ANK2: variants seen among roughly 807,000 people sequenced by gnomAD.
ANK2 encodes the protein ankyrin 2.
ANK2 carries 83 observed loss-of-function variants against 360.5 expected under a neutral mutation model. That is an observed-to-expected ratio of 0.23 (90% CI 0.19 to 0.28). The LOEUF (loss-of-function observed/expected upper bound fraction) is 0.28. Among genes scored for constraint, ANK2 ranks in the 10% least tolerant of loss-of-function variants. The probability of loss-of-function intolerance (pLI) is 1.00; values close to 1 mark genes in which losing one functional copy is unlikely to be tolerated. For synonymous variants in ANK2, 1,740 were observed against 1,759.5 expected (o/e 0.99, Z 0.28); for missense variants, 4,201 against 4,795.7 (o/e 0.88, Z 3.66).
intron 9 of ANK2, among the ~76,000 whole-genome samples, chr4:113,248,819 C>A (rs1192539929): frequency 6.6e-6 from 1 of 152,202 alleles, no homozygotes; most frequent in African/African-American, 2.4e-5. Flanking sequence ...CCTTCTCCAC[C>A]TCTGTCCTTG....
intron 1 of ANK2, among the ~76,000 whole-genome samples, chr4:113,072,742 A>ATTTTTTTTTTTTTTTT (rs34098456): frequency 1.1e-4 from 8 of 74,218 alleles, no homozygotes; most frequent in East Asian, 3.8e-4. Flanking sequence ...ACTTGGCATA[A>ATTTTTTTTTTTTTTTT]TTTTTTTTTT....
intron 1 of ANK2, among the ~76,000 whole-genome samples, chr4:113,130,631 A>G (rs1582506567): frequency 6.6e-6 from 1 of 152,140 alleles, no homozygotes; most frequent in African/African-American, 2.4e-5. Flanking sequence ...AATGTGCAGG[A>G]TGAGAACAGC....
chr4:113,108,685 A>G (rs1172444592), intron 1 of ANK2, among the ~76,000 whole-genome samples: 1 of 151,970 alleles, frequency 6.6e-6, no homozygotes, highest in Non-Finnish European at 1.5e-5. Context: ...GAGAGAATTT[A>G]CTCCTTGTCT....
the ANK2 span, among the ~76,000 whole-genome samples, chr4:112,752,124 G>C: frequency 6.6e-6 from 1 of 152,162 alleles, no homozygotes; most frequent in South Asian, 2.1e-4. Context: ...AAATTCAAGG[G>C]AGCAGGGAGT....
At position 113,143,858 on chromosome 4, in the gene ANK2, G is replaced by A. The variant is rs145768056; in HGVS notation, c.85-30558G>A. 7.0e-3 allele frequency among the ~76,000 whole-genome samples: 1,072 copies of A among 152,134 alleles called. 3 individuals carry two copies. Among genetic ancestry groups the A allele is most frequent in the Non-Finnish European group, 0.011 (760 of 67,974 alleles). On this transcript the variant is annotated intron_variant, in intron 1 of 45. Coordinates refer to ENST00000357077, the MANE Select transcript of ANK2 (RefSeq NM_001148.6). ...ACTACAGAACATGGTTCAAATATGT[G>A]GAAAATTTGATGAGAAACTACCATA... is the stretch of plus-strand genomic sequence containing the variant.
At chr4:112,864,083 G>A (rs1313574445) in intron 1 of ANK2, among the ~76,000 whole-genome samples, 2 of 152,148 alleles carry the variant, frequency 1.3e-5, no homozygotes, top group African/African-American at 4.8e-5. Flanking sequence ...AAAGAGATTA[G>A]GTAGGGTGTT....
At chr4:113,000,879 T>C (rs1206361015) in intron 2 of ANK2, among the ~76,000 whole-genome samples, 2 of 136,096 alleles carry the variant, frequency 1.5e-5, no homozygotes, top group African/African-American at 5.4e-5. Flanking sequence ...GGGAAGGAGA[T>C]TATCACCAGA....
intron 27 of ANK2, among the ~76,000 whole-genome samples, chr4:113,330,934 T>G (rs966676956): frequency 2.6e-5 from 4 of 152,244 alleles, no homozygotes; most frequent in Admixed American, 1.3e-4. Flanking sequence ...AATGTGATTT[T>G]TTTTTCAGCT....
chr4:112,932,325 C>A (rs1226165242), intron 2 of ANK2, among the ~76,000 whole-genome samples: 1 of 152,024 alleles, frequency 6.6e-6, no homozygotes, highest in African/African-American at 2.4e-5. Flanking sequence ...AACCCCATCT[C>A]TACTAAAAAC....
chr4:113,287,633 C>T lies in ANK2; in HGVS notation c.2108C>T (p.Ala703Val), dbSNP rs756016862. Residue 703 changes from alanine (A) to valine (V), a missense_variant, in exon 19 of 46, where the codon GCC becomes GTC. By Grantham distance (64) the Ala-to-Val change is moderately conservative. Coordinates refer to ENST00000357077, the MANE Select transcript of ANK2 (RefSeq NM_001148.6). Reference sequence around the variant, plus strand: ...GGACTCACATCCTTACACCTTGCAGCCCAGGAAGATAAAGTGAATGTTGCT... The same window carrying T: ...GGACTCACATCCTTACACCTTGCAGTCCAGGAAGATAAAGTGAATGTTGCT... ...KSGLTSLHLA[A>V]QEDKVNVADI... 1.2e-6 allele frequency: 2 copies of T among 1,613,204 alleles called. No individual in the cohort carries two copies. The highest frequency in any genetic ancestry group is 3.3e-5 in the Admixed American group (2 of 60,032).
At chr4:113,019,370 G>A (rs1466972549) in intron 2 of ANK2, among the ~76,000 whole-genome samples, 1 of 152,170 alleles carries the variant, frequency 6.6e-6, no homozygotes, top group Non-Finnish European at 1.5e-5. Context: ...GTTCTTCTAA[G>A]CAAGATAGTT....
At chr4:113,196,828 T>G (rs1403419347) in intron 3 of ANK2, among the ~76,000 whole-genome samples, 1 of 152,170 alleles carries the variant, frequency 6.6e-6, no homozygotes, top group Non-Finnish European at 1.5e-5. Flanking sequence ...ACTTAAAGCT[T>G]CTTTTCCCTC....
chr4:112,891,866 C>T (rs922616159), intron 1 of ANK2, among the ~76,000 whole-genome samples: 1 of 152,120 alleles, frequency 6.6e-6, no homozygotes, highest in African/African-American at 2.4e-5. Context: ...TTTCTATAGT[C>T]AGTCCTTAGA....
At position 112,992,148 on chromosome 4, in the gene ANK2, C is replaced by CTT. The variant is rs767245844; in HGVS notation, c.21+87647_21+87648dup. Among the ~76,000 whole-genome samples the CTT allele has an allele frequency of 2.1e-5, 3 of 143,866 alleles. No homozygotes were observed. The Admixed American group carries it at 2.1e-4, about 10-fold the overall frequency. The allele number at this position is 143,866 out of a possible 152,430, so 94.4% of individuals were successfully genotyped here. ...TTACCTAGTTCCAAATCTACTTCTACTTTTTTTTTTTTTTAGACGGAGTTT... is the reference window on the plus strand; with the variant it reads ...TTACCTAGTTCCAAATCTACTTCTACTTTTTTTTTTTTTTTTAGACGGAGTTT... On this transcript the variant is annotated intron_variant, in intron 2 of 30. Transcript: ENST00000503271.
At chr4:113,371,322 A>G (rs897049127) in intron 43 of ANK2, among the ~76,000 whole-genome samples, 1 of 152,232 alleles carries the variant, frequency 6.6e-6, no homozygotes, top group Non-Finnish European at 1.5e-5. Flanking sequence ...TAATAAATTC[A>G]TGCCATGAAT....
intron 1 of ANK2, among the ~76,000 whole-genome samples, chr4:112,833,440 GT>G (rs1186739859): frequency 1.3e-5 from 2 of 152,078 alleles, no homozygotes; most frequent in East Asian, 3.9e-4. Flanking sequence ...TTAATGATTA[GT>G]TTTGATGATA....
chr4:112,744,439 C>T, the ANK2 span, among the ~76,000 whole-genome samples: 4 of 151,588 alleles, frequency 2.6e-5, no homozygotes, highest in Non-Finnish European at 2.9e-5. Flanking sequence ...CCCCGCCTCC[C>T]GGGTTCAAGC....
chr4:113,009,694 G>A (rs2054075512), intron 2 of ANK2, among the ~76,000 whole-genome samples: 1 of 152,168 alleles, frequency 6.6e-6, no homozygotes, highest in African/African-American at 2.4e-5. Flanking sequence ...CTGATGATAA[G>A]TGGCTTGGGA....
At chr4:112,886,077 C>T (rs2078278955) in intron 1 of ANK2, among the ~76,000 whole-genome samples, 1 of 152,022 alleles carries the variant, frequency 6.6e-6, no homozygotes, top group South Asian at 2.1e-4. Context: ...ATTTGCAAGG[C>T]GGGTCTTTAG....
Sources: allele counts gnomAD v4.1 joint callset (sites outside exome capture counted in the v4.1 genomes callset), GRCh38; gene constraint gnomAD v4.1.1; transcripts MANE v1.5; gene names NCBI Gene and HGNC (gene_info 2026-07-23, HGNC 2026-07-21).